The following CHRNA7 variants were observed in gnomAD, a reference collection of about 807,000 sequenced individuals.
CHRNA7 encodes the protein neuronal acetylcholine receptor subunit alpha-7.
A neutral mutation model predicts 48.0 loss-of-function variants in CHRNA7; 17 were observed. The observed-to-expected ratio is 0.35, with a 90% CI of 0.24 to 0.53. The LOEUF is 0.53. Among genes scored for constraint, CHRNA7 ranks in the 20% least tolerant of loss-of-function variants. The probability of loss-of-function intolerance (pLI) is 0.92; values close to 1 mark genes in which losing one functional copy is unlikely to be tolerated. For missense variants in CHRNA7, 155 were observed against 577.7 expected, an observed-to-expected ratio of 0.27 and a Z score of 7.50; for synonymous variants, 75 against 242.3, an observed-to-expected ratio of 0.31 and a Z score of 6.41.
At chr15:32,101,151 A>G in intron 2 of CHRNA7, 152 bp from the exon 3 acceptor site, 3 of 696,286 alleles carry the variant, frequency 4.3e-6, no homozygotes, top group South Asian at 1.9e-5. Context: ...CTCTAGGGAA[A>G]TGCTGCTTGC....
rs112257839 is a variant in CHRNA7, at chr15:32,055,226, CTCTCT to C, written c.195+24191_195+24195del. On this transcript the variant is annotated intron_variant, in intron 2 of 9. Coordinates refer to ENST00000306901, the MANE Select transcript of CHRNA7 (RefSeq NM_000746.6). Reference sequence around the variant, plus strand: ...AATCGTGTCTCTTTACTATTTCTCTCTCTCTTTTTTTTTTGTTTTGTGTTGGTTTG... The same window carrying C: ...AATCGTGTCTCTTTACTATTTCTCTCTTTTTTTTTGTTTTGTGTTGGTTTG... Among the ~76,000 whole-genome samples, 1,391 of 151,500 alleles carry C rather than the reference CTCTCT, an allele frequency of 9.2e-3. 21 individuals are homozygous for C. Among genetic ancestry groups the C allele is most frequent in the African/African-American group, 0.032 (1,323 of 41,314 alleles).
chr15:32,137,051 A>AAAG (rs2051280825), intron 4 of CHRNA7, among the ~76,000 whole-genome samples: 1 of 149,874 alleles, frequency 6.7e-6, no homozygotes, highest in Non-Finnish European at 1.5e-5. Flanking sequence ...AAAAAAGAAA[A>AAAG]AAAAAAGAAA....
intron 2 of CHRNA7, among the ~76,000 whole-genome samples, chr15:32,075,422 T>A (rs2050122130): frequency 6.6e-6 from 1 of 152,182 alleles, no homozygotes; most frequent in Non-Finnish European, 1.5e-5. Flanking sequence ...TTAGGTGAGT[T>A]GTAATCATTT....
intron 2 of CHRNA7, among the ~76,000 whole-genome samples, chr15:32,083,691 G>GA (rs1159019594): frequency 3.9e-5 from 6 of 152,082 alleles, no homozygotes; most frequent in African/African-American, 1.2e-4. Flanking sequence ...GGTTTATAAT[G>GA]AAAAAATATT....
At chr15:32,139,996 A>G (rs1425823298) in intron 4 of CHRNA7, among the ~76,000 whole-genome samples, 2 of 152,130 alleles carry the variant, frequency 1.3e-5, no homozygotes, top group African/African-American at 2.4e-5. Context: ...TTAGGTGTAC[A>G]TGTGCCATGT....
intron 2 of CHRNA7, among the ~76,000 whole-genome samples, chr15:32,040,911 A>G (rs12910885): frequency 0.6 from 91,458 of 151,478 alleles, 31,661 homozygotes; most frequent in Non-Finnish European, 0.77. Flanking sequence ...TTTTTTCCTT[A>G]TCTTTTGAAG....
chr15:32,151,091 A>G (rs2051619040), intron 4 of CHRNA7, among the ~76,000 whole-genome samples: 1 of 151,688 alleles, frequency 6.6e-6, no homozygotes, highest in South Asian at 2.1e-4. Context: ...TCATATTCAA[A>G]TCACGGCTTT....
At chr15:32,037,121 C>T (rs376923307) in intron 2 of CHRNA7, among the ~76,000 whole-genome samples, 2 of 152,004 alleles carry the variant, frequency 1.3e-5, no homozygotes, top group South Asian at 2.1e-4. Flanking sequence ...GTGTAAGGTC[C>T]GTGTCTACAT....
intron 4 of CHRNA7, among the ~76,000 whole-genome samples, chr15:32,129,044 A>T (rs181048310): frequency 6.0e-4 from 91 of 152,034 alleles, no homozygotes; most frequent in Admixed American, 5.4e-3. Context: ...GCATCTTAAT[A>T]TGGTAGATTA....
intron 2 of CHRNA7, among the ~76,000 whole-genome samples, chr15:32,092,856 A>G (rs1342478348): frequency 1.3e-5 from 2 of 152,062 alleles, no homozygotes; most frequent in African/African-American, 2.4e-5. Flanking sequence ...GGGTCTCCTT[A>G]TCTCTAACTC....
In CHRNA7 at chr15:32,123,902, C is replaced by T. The variant is rs190530276; in HGVS notation, c.350+12003C>T. Among the ~76,000 whole-genome samples the T allele has an allele frequency of 1.7e-4, 25 of 149,456 alleles. No individual in the cohort carries two copies. The South Asian group carries it at 2.1e-3, about 13-fold the overall frequency. ...TCAGTTTAATTCCTAAGCTCCCCCC[C>T]GCCAAAAGAATCTATAAGGGTAGAG... On this transcript the variant is annotated intron_variant, in intron 4 of 9. Transcript: ENST00000306901.
intron 4 of CHRNA7, among the ~76,000 whole-genome samples, chr15:32,114,965 G>C (rs2050844052): frequency 6.6e-6 from 1 of 152,220 alleles, no homozygotes; most frequent in Non-Finnish European, 1.5e-5. Flanking sequence ...CATTCAGCTG[G>C]GGACTGTGCA....
At chr15:32,030,683 C>T (rs745632981) in intron 1 of CHRNA7, 34 bp downstream of exon 1, 2 of 1,557,486 alleles carry the variant, frequency 1.3e-6, no homozygotes. Flanking sequence ...TCCACTCCTC[C>T]GTGGGATCCC....
At chr15:32,066,311 T>G (rs2049965475) in intron 2 of CHRNA7, among the ~76,000 whole-genome samples, 1 of 151,336 alleles carries the variant, frequency 6.6e-6, no homozygotes, top group African/African-American at 2.4e-5. Context: ...AGATGGAGTC[T>G]CACTCTGTCG....
At chr15:32,133,435 TG>T (rs2141321448) in intron 4 of CHRNA7, among the ~76,000 whole-genome samples, 1 of 152,278 alleles carries the variant, frequency 6.6e-6, no homozygotes, top group South Asian at 2.1e-4. Flanking sequence ...CACGAGGCCC[TG>T]GGAGTTCAGT....
intron 2 of CHRNA7, among the ~76,000 whole-genome samples, chr15:32,037,997 G>C (rs1480142890): frequency 2.0e-5 from 3 of 150,190 alleles, no homozygotes; most frequent in Admixed American, 1.3e-4. Flanking sequence ...TAATCTTAGT[G>C]GGAAAGCTTC....
intron 4 of CHRNA7, among the ~76,000 whole-genome samples, chr15:32,150,260 G>A (rs774951749): frequency 1.3e-5 from 2 of 152,022 alleles, no homozygotes; most frequent in Non-Finnish European, 2.9e-5. Context: ...GTCTTGCTTT[G>A]TTGCCCAGTC....
intron 4 of CHRNA7, among the ~76,000 whole-genome samples, chr15:32,146,814 G>A (rs1346296832): frequency 6.6e-6 from 1 of 152,166 alleles, no homozygotes; most frequent in African/African-American, 2.4e-5. Flanking sequence ...AGTCTTAACA[G>A]GGACTTCATG....
chr15:32,125,899 T>TG (rs142458943), intron 4 of CHRNA7, among the ~76,000 whole-genome samples: 4 of 152,182 alleles, frequency 2.6e-5, no homozygotes, highest in African/African-American at 9.6e-5. Context: ...TGGCTGGAAG[T>TG]CATGAATTTC....
Sources: gnomAD v4.1 joint callset for allele counts (sites outside exome capture counted in the v4.1 genomes callset) on GRCh38, gnomAD v4.1.1 for gene constraint, MANE v1.5 for transcripts, NCBI Gene and HGNC (gene_info 2026-07-23, HGNC 2026-07-21) for gene names.